BCL3: variants seen among roughly 807,000 people sequenced by gnomAD.
BCL3 encodes B-cell lymphoma 3 protein.
BCL3 carries 15 observed loss-of-function variants against 35.7 expected under a neutral mutation model. That is an observed-to-expected ratio of 0.42 (90% CI 0.28 to 0.65). BCL3 has a LOEUF of 0.65. Ranked by LOEUF, BCL3 falls within the 30% of genes least tolerant of loss-of-function variation. The pLI is 0.22. For missense variants in BCL3, 565 were observed against 641.7 expected (o/e 0.88, Z 1.29); for synonymous variants, 311 against 284.3 (o/e 1.09, Z -0.95).
chr19:44,754,138 T>C (rs1168410227), intron 2 of BCL3, among the ~76,000 whole-genome samples: 1 of 151,886 alleles, frequency 6.6e-6, no homozygotes, highest in Non-Finnish European at 1.5e-5. Context: ...ACTGGCAAGG[T>C]AGTTTGGGAT....
At chr19:44,751,159 T>TG (rs1433864702) in intron 1 of BCL3, 68 bp from the exon 2 acceptor site, 4 of 1,547,298 alleles carry the variant, frequency 2.6e-6, no homozygotes, top group Admixed American at 2.3e-5. Flanking sequence ...GTTTTAGAAG[T>TG]GGGGGGCGGG....
At chr19:44,755,780 C>T (rs1032529831) in intron 2 of BCL3, among the ~76,000 whole-genome samples, 2 of 151,970 alleles carry the variant, frequency 1.3e-5, no homozygotes, top group East Asian at 1.9e-4. Flanking sequence ...TAGCTGGGCG[C>T]GATGGCACAC....
upstream of BCL3, chr19:44,748,087 C>A (rs1265549427): frequency 1.5e-6 from 2 of 1,338,268 alleles, no homozygotes; most frequent in Admixed American, 4.5e-5. Flanking sequence ...AAGGAGGAAA[C>A]GGCTCAGAGA....
chr19:44,757,486 A>AG lies in BCL3; in HGVS notation c.813+72dup. The AG allele has an allele frequency of 9.7e-7, 1 of 1,032,736 alleles. No homozygotes were observed. The highest frequency in any genetic ancestry group is 1.4e-6 in the Non-Finnish European group (1 of 719,958). The allele number at this position is 1,032,736 out of a possible 1,614,324, so 64.0% of individuals were successfully genotyped here. On this transcript the variant is annotated intron_variant, in intron 5 of 8. Coordinates refer to ENST00000164227, the MANE Select transcript of BCL3 (RefSeq NM_005178.5). The surrounding 1 kb of genome is among the most constrained non-coding windows in gnomAD (Gnocchi z 8.4). Reference sequence around the variant, plus strand: ...GCGGGGTCTTGGCGGGGGCGGGGCCAGTGTGGGGCTGGCGTGGGAGAGCAC... The same window carrying AG: ...GCGGGGTCTTGGCGGGGGCGGGGCCAGGTGTGGGGCTGGCGTGGGAGAGCAC...
In BCL3 at chr19:44,757,514, G is replaced by A. The variant is rs1454851632; in HGVS notation, c.813+99G>A. 15 of 1,483,768 alleles carry A rather than the reference G, an allele frequency of 1.0e-5. No individual in the cohort carries two copies. The highest frequency in any genetic ancestry group is 1.4e-5 in the Non-Finnish European group (15 of 1,084,970). The allele number at this position is 1,483,768 out of a possible 1,614,324, so 91.9% of individuals were successfully genotyped here. A position where few individuals can be genotyped will look rare whatever the true frequency, so the allele number is the denominator to read the frequency against. On this transcript the variant is annotated intron_variant, in intron 5 of 8. Transcript: ENST00000164227. This position sits in a 1 kb window ranked among gnomAD's most constrained non-coding sequence, Gnocchi z 8.4. ...GTGGGGCTGGCGTGGGAGAGCACCC[G>A]GGTGGGGTGGGGCTTGGAGTATCAG...
At position 44,759,756 on chromosome 19, in the gene BCL3, C is replaced by T. The variant is rs1190884404; in HGVS notation, c.*141C>T. On this transcript the variant is annotated 3_prime_UTR_variant, in exon 9 of 9. Coordinates refer to ENST00000164227, the MANE Select transcript of BCL3 (RefSeq NM_005178.5). ...CAGGATTTGCACAGAAGCACATGCA[C>T]CTACCCATACACCCCCTCTTCTGAG... The T allele has an allele frequency of 1.8e-6, 1 of 568,036 alleles. No individual in the cohort carries two copies. Among genetic ancestry groups the T allele is most frequent in the African/African-American group, 2.0e-5 (1 of 50,714 alleles). The allele number at this position is 568,036 out of a possible 1,614,324, so 35.2% of individuals were successfully genotyped here. A position where few individuals can be genotyped will look rare whatever the true frequency, so the allele number is the denominator to read the frequency against.
chr19:44,759,313 ACC>A, intron 8 of BCL3, 113 bp from the exon 9 acceptor site: 1 of 585,904 alleles, frequency 1.7e-6, no homozygotes, highest in Non-Finnish European at 2.6e-6. Context: ...CCTCCCTCAG[ACC>A]CGAGTCCAGA....
rs1568546504 is a variant in BCL3 at position 44,757,853 on chromosome 19, T to A, written c.891+130T>A. The stretch of plus-strand genomic sequence containing the variant: ...GCTCCTGCTCCGCGTCCAGCTCTGA[T>A]CCTTTAAGGCCTAGTTTTCTCGACC... On this transcript the variant is annotated intron_variant, in intron 6 of 8. Transcript: ENST00000164227. The surrounding 1 kb of genome is among the most constrained non-coding windows in gnomAD (Gnocchi z 8.4). The A allele has an allele frequency of 2.3e-6, 2 of 880,734 alleles. No homozygotes were observed. The highest frequency in any genetic ancestry group is 3.4e-4 in the Middle Eastern group (1 of 2,946). 54.6% of individuals were successfully genotyped at this position (880,734 alleles called of 1,614,324 possible).
chr19:44,752,375 T>C (rs1967198213), intron 2 of BCL3, among the ~76,000 whole-genome samples: 1 of 147,302 alleles, frequency 6.8e-6, no homozygotes, highest in Non-Finnish European at 1.5e-5. Flanking sequence ...AATTTTTGTA[T>C]TTTTTTTTTG....
In BCL3 at chr19:44,751,300, A is replaced by C; in HGVS notation, c.330A>C (p.Leu110=). ...PFPLVNLPTP[L]YPMMCPMEHP... ...CTCTGGTGAACCTGCCTACACCCCTATACCCCATGATGTGCCCCATGGAAC... is the reference window on the plus strand; with the variant it reads ...CTCTGGTGAACCTGCCTACACCCCTCTACCCCATGATGTGCCCCATGGAAC... The change falls in exon 2 of 9, where the codon CTA becomes CTC. Residue 110 remains leucine, a synonymous_variant. Coordinates refer to ENST00000164227, the MANE Select transcript of BCL3 (RefSeq NM_005178.5). 6.2e-7 allele frequency: 1 copy of C among 1,609,092 alleles called. No homozygotes were observed. The highest frequency in any genetic ancestry group is 8.5e-7 in the Non-Finnish European group (1 of 1,178,368).
chr19:44,758,121 T>C, intron 6 of BCL3, 125 bp from the exon 7 acceptor site: 1 of 1,044,808 alleles, frequency 9.6e-7, no homozygotes, highest in South Asian at 1.9e-5. Context: ...CGCTCCTACC[T>C]TCCTGTGACC....
At chr19:44,747,848 G>C, upstream of BCL3, 1 of 1,150,598 alleles carries the variant, frequency 8.7e-7, no homozygotes, top group Non-Finnish European at 1.1e-6. Flanking sequence ...GATTTTCCGA[G>C]CACCCACCCC....
At position 44,756,241 on chromosome 19, in the gene BCL3, T is replaced by C; in HGVS notation, c.420T>C (p.His140=). ...RADEDGDTPL[H]IAVVQGNLPA... ...ACTCCCCCACCCCCAGGCCTCTCCATATTGCTGTGGTGCAGGGTAACCTGC... is the reference window on the plus strand; with the variant it reads ...ACTCCCCCACCCCCAGGCCTCTCCACATTGCTGTGGTGCAGGGTAACCTGC... The change falls in exon 3 of 9, where the codon CAT becomes CAC. Residue 140 remains histidine (H), a synonymous_variant. Coordinates refer to ENST00000164227, the MANE Select transcript of BCL3 (RefSeq NM_005178.5). The C allele has an allele frequency of 6.6e-7, 1 of 1,518,436 alleles. No homozygotes were observed. The allele number at this position is 1,518,436 out of a possible 1,614,324, so 94.1% of individuals were successfully genotyped here. A position where few individuals can be genotyped will look rare whatever the true frequency, so the allele number is the denominator to read the frequency against.
chr19:44,756,417 T>A, intron 3 of BCL3, 77 bp downstream of exon 3: 1 of 632,168 alleles, frequency 1.6e-6, no homozygotes, highest in Non-Finnish European at 2.1e-6. Flanking sequence ...GGGCCTGAAC[T>A]CCTGGGTCTG....
intron 2 of BCL3, among the ~76,000 whole-genome samples, chr19:44,753,172 G>A (rs540883106): frequency 6.6e-6 from 1 of 152,306 alleles, no homozygotes; most frequent in Admixed American, 6.5e-5. Flanking sequence ...GTGGTTGCAG[G>A]CCATCTCCAG....
Position 44,751,211 on chromosome 19 carries a change from G to C in BCL3, c.257-16G>C, listed in dbSNP as rs760072914. The C allele has an allele frequency of 8.1e-6, 13 of 1,599,566 alleles. No individual in the cohort carries two copies. The highest frequency in any genetic ancestry group is 1.0e-5 in the Non-Finnish European group (12 of 1,174,938). ...GTGGCCTCACCCATGTCCCTTCTCT[G>C]TCCTCCATTGTCCAGGAGCCTTACT... On this transcript the variant is annotated splice_polypyrimidine_tract_variant and intron_variant, in intron 1 of 8. Coordinates refer to ENST00000164227, the MANE Select transcript of BCL3 (RefSeq NM_005178.5).
chr19:44,748,463 C>T (rs1018016210), upstream of BCL3: 3 of 156,248 alleles, frequency 1.9e-5, no homozygotes, highest in African/African-American at 7.2e-5. Flanking sequence ...CCTCTCCCCC[C>T]ACCCCTCCTT....
At chr19:44,753,504 T>A (rs1294751294) in intron 2 of BCL3, among the ~76,000 whole-genome samples, 1 of 152,116 alleles carries the variant, frequency 6.6e-6, no homozygotes. Context: ...CTCCCCCACG[T>A]CAGCACCCGT....
At position 44,758,234 on chromosome 19, in the gene BCL3, C is replaced by G. The variant is rs1967337525; in HGVS notation, c.892-12C>G. On this transcript the variant is annotated splice_polypyrimidine_tract_variant and intron_variant, in intron 6 of 8. Transcript: ENST00000164227. ...CCGCGCGCCCTCCTGACCCGGCCCT[C>G]CCGTCCCGCAGCACGGCGCCAACGT... 6.8e-7 allele frequency: 1 copy of G among 1,474,866 alleles called. No individual in the cohort carries two copies. The highest frequency in any genetic ancestry group is 1.4e-5 in the South Asian group (1 of 72,292). 91.4% of individuals were successfully genotyped at this position (1,474,866 alleles called of 1,614,324 possible). A position where few individuals can be genotyped will look rare whatever the true frequency, so the allele number is the denominator to read the frequency against.
Sources: allele counts gnomAD v4.1 joint callset (sites outside exome capture counted in the v4.1 genomes callset), GRCh38; gene constraint gnomAD v4.1.1; non-coding constraint Gnocchi (gnomAD v3.1); transcripts MANE v1.5; gene names NCBI Gene and HGNC (gene_info 2026-07-23, HGNC 2026-07-21).